SCHIP1: variants seen among roughly 807,000 people sequenced by gnomAD.
SCHIP1 encodes the protein schwannomin-interacting protein 1.
In SCHIP1, 8 loss-of-function variants were observed where a neutral mutation model predicts 29.7. That is an observed-to-expected ratio of 0.27 (90% confidence interval 0.16 to 0.49). The LOEUF (loss-of-function observed/expected upper bound fraction) is 0.49, where lower values mean the gene tolerates loss of function less well. Among genes scored for constraint, SCHIP1 ranks in the 20% least tolerant of loss-of-function variants. The pLI is 0.99. For synonymous variants in SCHIP1, 76 were observed against 94.9 expected (o/e 0.80, Z 1.16); for missense variants, 193 against 294.6 (o/e 0.66, Z 2.52).
At chr3:159,469,623 A>G in the SCHIP1 span, among the ~76,000 whole-genome samples, 1 of 152,200 alleles carries the variant, frequency 6.6e-6, no homozygotes, top group Non-Finnish European at 1.5e-5. Context: ...ACTGGGGAAC[A>G]GGGATATTGG....
At chr3:159,547,629 A>C in the SCHIP1 span, among the ~76,000 whole-genome samples, 2 of 152,190 alleles carry the variant, frequency 1.3e-5, no homozygotes, top group African/African-American at 2.4e-5. Context: ...AGTTTTCTGC[A>C]TATGGCTAGC....
chr3:159,830,421 G>A, the SCHIP1 span, among the ~76,000 whole-genome samples: 6 of 152,224 alleles, frequency 3.9e-5, no homozygotes, highest in South Asian at 1.2e-3. Flanking sequence ...CAACCAATTA[G>A]TGATTCACAC....
At chr3:159,430,966 A>G in the SCHIP1 span, among the ~76,000 whole-genome samples, 2 of 152,176 alleles carry the variant, frequency 1.3e-5, no homozygotes, top group African/African-American at 4.8e-5. Flanking sequence ...AGCTGGAATA[A>G]TAAGCTGGAG....
At chr3:159,764,367 CG>C in the SCHIP1 span, 1 of 1,496,198 alleles carries the variant, frequency 6.7e-7, no homozygotes, top group Non-Finnish European at 8.9e-7. The surrounding 1 kb of genome is among the most constrained non-coding windows in gnomAD (Gnocchi z 6.1). Context: ...GGCACTGAGC[CG>C]GGGCATTTGG....
chr3:159,713,233 G>GAAGAAAGAAAGAAAGA, the SCHIP1 span, among the ~76,000 whole-genome samples: 159 of 124,626 alleles, frequency 1.3e-3, no homozygotes, highest in East Asian at 2.9e-3. Flanking sequence ...AGAAAGAAAG[G>GAAGAAAGAAAGAAAGA]AAGAAAGAAA....
the SCHIP1 span, among the ~76,000 whole-genome samples, chr3:159,628,055 T>C: frequency 6.6e-6 from 1 of 152,226 alleles, no homozygotes; most frequent in Middle Eastern, 3.2e-3. Flanking sequence ...TCAGGACATT[T>C]GCTAATTCTT....
At chr3:159,381,103 G>A in the SCHIP1 span, among the ~76,000 whole-genome samples, 4 of 152,190 alleles carry the variant, frequency 2.6e-5, no homozygotes, top group Non-Finnish European at 1.5e-5. Context: ...GTGCTCTTGT[G>A]TGAGGTGAAT....
chr3:159,545,698 G>T, the SCHIP1 span, among the ~76,000 whole-genome samples: 1 of 145,706 alleles, frequency 6.9e-6, no homozygotes, highest in African/African-American at 2.5e-5. Flanking sequence ...TAATAAAATT[G>T]TACATCTTTT....
the SCHIP1 span, among the ~76,000 whole-genome samples, chr3:159,752,704 G>A: frequency 6.6e-6 from 1 of 152,182 alleles, no homozygotes; most frequent in Admixed American, 6.5e-5. Context: ...CAGCACCAAG[G>A]GGATGGTGCT....
At chr3:159,886,215 G>A in exon 3 of SCHIP1, 1 of 1,614,204 alleles carries the variant, frequency 6.2e-7, no homozygotes, top group South Asian at 1.1e-5. Flanking sequence ...AGACTGCAGA[G>A]TGGGATGAAC....
the SCHIP1 span, among the ~76,000 whole-genome samples, chr3:159,680,110 A>ATAAC: frequency 2.1e-4 from 32 of 152,032 alleles, no homozygotes; most frequent in Non-Finnish European, 4.1e-4. Flanking sequence ...CCATTAGGAT[A>ATAAC]TAACCTCTGT....
At chr3:159,547,570 C>T in the SCHIP1 span, among the ~76,000 whole-genome samples, 1 of 152,112 alleles carries the variant, frequency 6.6e-6, no homozygotes, top group Non-Finnish European at 1.5e-5. Flanking sequence ...AGTCTTTAAG[C>T]CATTTTGAGT....
the SCHIP1 span, among the ~76,000 whole-genome samples, chr3:159,480,602 TCAAAA>T: frequency 1.3e-5 from 2 of 152,200 alleles, no homozygotes; most frequent in East Asian, 1.9e-4. Context: ...ATCCCTTCTC[TCAAAA>T]CAAAAGAACA....
chr3:159,757,661 T>C, the SCHIP1 span, among the ~76,000 whole-genome samples: 1 of 152,288 alleles, frequency 6.6e-6, no homozygotes, highest in Admixed American at 6.5e-5. Flanking sequence ...TTTCTAAGGC[T>C]CAGACAATTT....
chr3:159,892,257 A>G, intron 6 of SCHIP1, 67 bp downstream of exon 7: 2 of 1,576,266 alleles, frequency 1.3e-6, no homozygotes, highest in Non-Finnish European at 1.7e-6. Flanking sequence ...AGAATTAGGC[A>G]AAAACTAGCT....
the SCHIP1 span, among the ~76,000 whole-genome samples, chr3:159,377,317 G>A: frequency 6.6e-6 from 1 of 152,218 alleles, no homozygotes; most frequent in South Asian, 2.1e-4. Context: ...ATTTACCAAA[G>A]AGCAACAGCC....
the SCHIP1 span, among the ~76,000 whole-genome samples, chr3:159,530,884 CAA>C: frequency 6.6e-6 from 1 of 152,132 alleles, no homozygotes; most frequent in Non-Finnish European, 1.5e-5. Context: ...AATCCAAATG[CAA>C]AGAGTCAAGA....
the SCHIP1 span, among the ~76,000 whole-genome samples, chr3:159,541,125 G>T: frequency 1.3e-5 from 2 of 152,078 alleles, no homozygotes; most frequent in African/African-American, 4.8e-5. Context: ...TCAACAGAAG[G>T]TTAAGCCTAA....
the SCHIP1 span, among the ~76,000 whole-genome samples, chr3:159,460,095 G>C: frequency 6.6e-6 from 1 of 152,134 alleles, no homozygotes; most frequent in South Asian, 2.1e-4. Context: ...ATCACCCTTT[G>C]GGCTACAAAA....
Sources: gnomAD v4.1 joint callset for allele counts (sites outside exome capture counted in the v4.1 genomes callset) on GRCh38, gnomAD v4.1.1 for gene constraint, Gnocchi (gnomAD v3.1) non-coding constraint, MANE v1.5 for transcripts, NCBI Gene and HGNC (gene_info 2026-07-23, HGNC 2026-07-21) for gene names.